The following BTBD2 variants were observed in gnomAD, a reference collection of about 807,000 sequenced individuals.
BTBD2 encodes the protein BTB domain containing 2.
BTBD2 carries 15 observed loss-of-function variants against 44.0 expected under a neutral mutation model. The ratio of observed to expected loss-of-function variants is 0.34; its 90% CI spans 0.23 to 0.53. The LOEUF (loss-of-function observed/expected upper bound fraction) is 0.53. BTBD2 is among the 20% of genes least tolerant of loss of function. BTBD2 has a pLI of 0.95. For missense variants in BTBD2, 657 were observed against 746.4 expected (o/e 0.88, Z 1.39); for synonymous variants, 443 against 335.9 (o/e 1.32, Z -3.49).
At chr19:2,013,783 C>T (rs112647619) in intron 1 of BTBD2, 60 of 599,302 alleles carry the variant, frequency 1.0e-4, no homozygotes, top group Middle Eastern at 8.3e-4. Context: ...TGGGGGTCTC[C>T]GGTGGGGGTC....
intron 1 of BTBD2, among the ~76,000 whole-genome samples, chr19:2,001,534 G>A (rs8110826): frequency 0.14 from 21,388 of 152,204 alleles, 1,672 homozygotes; most frequent in East Asian, 0.3. Flanking sequence ...AGAATTGTGT[G>A]GTGCACAAAG....
chr19:1,990,253 T>G (rs2016155799), intron 4 of BTBD2, 52 bp from the exon 5 acceptor site: 1 of 1,537,746 alleles, frequency 6.5e-7, no homozygotes, highest in Non-Finnish European at 8.8e-7. Context: ...ATGCCCACCC[T>G]GCAGGAGGCA....
intron 1 of BTBD2, among the ~76,000 whole-genome samples, chr19:2,009,351 G>A (rs1348419962): frequency 4.6e-5 from 7 of 151,602 alleles, no homozygotes; most frequent in Non-Finnish European, 8.8e-5. Context: ...GGTGCCCACC[G>A]CCACACCAGG....
At chr19:2,001,929 T>TG (rs35646341) in intron 1 of BTBD2, among the ~76,000 whole-genome samples, 21,110 of 151,870 alleles carry the variant, frequency 0.14, 1,659 homozygotes, top group East Asian at 0.3. Flanking sequence ...TTAGTAGAGA[T>TG]GGGGTTTCAC....
At chr19:1,996,568 A>G (rs1447531840) in intron 2 of BTBD2, among the ~76,000 whole-genome samples, 2 of 146,492 alleles carry the variant, frequency 1.4e-5, no homozygotes, top group Non-Finnish European at 3.0e-5. Context: ...AAAAAGAAGG[A>G]AAGAAAAGAA....
intron 1 of BTBD2, among the ~76,000 whole-genome samples, chr19:2,014,900 C>T (rs964446796): frequency 6.7e-6 from 1 of 150,016 alleles, no homozygotes; most frequent in Non-Finnish European, 1.5e-5. Context: ...TGGAGGGGTG[C>T]AGAGGCCCAG....
chr19:2,015,427 C>T lies in BTBD2; in HGVS notation c.277G>A (p.Ala93Thr), dbSNP rs772933152. The T allele has an allele frequency of 3.3e-6, 5 of 1,510,336 alleles. No homozygotes were observed. The South Asian group carries it at 6.1e-5, about 18-fold the overall frequency. 93.6% of individuals were successfully genotyped at this position (1,510,336 alleles called of 1,614,324 possible). The stretch of plus-strand genomic sequence containing the variant: ...GGCTTGCTGGCCTGCCAGTTGTACG[C>T]GGCCTCGCGCTGCAGCGCCGCCGCC... ...PGAAALQREA[A>T]YNWQASKPTV... Residue 93 changes from alanine to threonine, a missense_variant, in exon 1 of 9, where the codon GCG becomes ACG. By Grantham distance (58) the Ala-to-Thr change is moderately conservative. This residue lies in a region of BTBD2 where 191 missense variants were observed against 188.5 expected (regional missense o/e 1.01). Transcript: ENST00000255608.
chr19:2,011,093 C>A (rs75320628), intron 1 of BTBD2, among the ~76,000 whole-genome samples: 3 of 152,012 alleles, frequency 2.0e-5, no homozygotes, highest in African/African-American at 7.2e-5. Flanking sequence ...CACTGCTCTG[C>A]GGACCTCTCA....
At chr19:2,004,970 C>T (rs946254912) in intron 1 of BTBD2, among the ~76,000 whole-genome samples, 1 of 151,962 alleles carries the variant, frequency 6.6e-6, no homozygotes, top group Non-Finnish European at 1.5e-5. Context: ...CAGGCGCCCA[C>T]CACCACGCCC....
At chr19:1,999,771 G>A (rs2016302430) in intron 1 of BTBD2, among the ~76,000 whole-genome samples, 1 of 151,950 alleles carries the variant, frequency 6.6e-6, no homozygotes, top group Non-Finnish European at 1.5e-5. Context: ...AGACCAGCCT[G>A]GCCAACATGG....
intron 2 of BTBD2, among the ~76,000 whole-genome samples, 171 bp from the exon 3 acceptor site, chr19:1,993,347 G>A (rs1271133395): frequency 2.6e-5 from 4 of 152,284 alleles, no homozygotes; most frequent in African/African-American, 9.6e-5. Context: ...GCCCCTGTCC[G>A]TTGCCCTCTG....
At chr19:1,992,721 G>C (rs982123874) in intron 3 of BTBD2, among the ~76,000 whole-genome samples, 1 of 151,834 alleles carries the variant, frequency 6.6e-6, no homozygotes, top group Non-Finnish European at 1.5e-5. Context: ...ACAGGTGCCC[G>C]CCACCACGCC....
chr19:2,013,347 C>G (rs973645812), intron 1 of BTBD2, among the ~76,000 whole-genome samples: 3 of 150,208 alleles, frequency 2.0e-5, no homozygotes, highest in Non-Finnish European at 4.4e-5. Flanking sequence ...CGCACACTGG[C>G]AAAGACAGAT....
chr19:2,001,028 A>C (rs201550927), intron 1 of BTBD2, among the ~76,000 whole-genome samples: 29,091 of 151,966 alleles, frequency 0.19, 3,088 homozygotes, highest in East Asian at 0.31. Flanking sequence ...TCACGCCTGT[A>C]CTCCCAGCAC....
chr19:1,990,135 A>G lies in BTBD2; in HGVS notation c.857T>C (p.Val286Ala), dbSNP rs768986148. 3.7e-6 allele frequency: 6 copies of G among 1,612,232 alleles called. No homozygotes were observed. Among genetic ancestry groups the G allele is most frequent in the Non-Finnish European group, 4.2e-6 (5 of 1,179,704 alleles). ...GIREVRLFNA[V>A]VRWSEAECQR... The stretch of plus-strand genomic sequence containing the variant: ...ACACTCGGCCTCGGACCAGCGGACA[A>G]CGGCATTGAACAGCCGCACCTCACG... The change falls in exon 5 of 9, where the codon GTT becomes GCT. Residue 286 changes from valine to alanine, a missense_variant. Coordinates refer to ENST00000255608, the MANE Select transcript of BTBD2 (RefSeq NM_017797.4).
rs553182839 is a variant in BTBD2 at position 1,992,953 on chromosome 19, C to T, written c.684+67G>A. 267 of 790,666 alleles carry T rather than the reference C, an allele frequency of 3.4e-4. 2 individuals are homozygous for T. In the African/African-American group the frequency reaches 4.9e-3, roughly 15 times the overall value. 49.0% of individuals were successfully genotyped at this position (790,666 alleles called of 1,614,324 possible). ...CCCGCCTCCGCCTCCAGCCTCGGTC[C>T]GCCCCACCCCGGCCCCGCCTCCAGC... On this transcript the variant is annotated intron_variant, in intron 3 of 8. Transcript: ENST00000255608.
chr19:1,999,845 C>A (rs1397846028), intron 1 of BTBD2, among the ~76,000 whole-genome samples: 1 of 151,724 alleles, frequency 6.6e-6, no homozygotes, highest in Non-Finnish European at 1.5e-5. Context: ...GCCTGTAATC[C>A]CAGCTACTCA....
rs2016202616 is a variant in BTBD2, at chr19:1,993,046, C to G, written c.658G>C (p.Asp220His). Residue 220 changes from aspartate to histidine, a missense_variant, in exon 3 of 9, where the codon GAC (aspartate) becomes CAC (histidine). Coordinates refer to ENST00000255608, the MANE Select transcript of BTBD2 (RefSeq NM_017797.4). ...VEFLKKNLRA[D>H]NAFMLLTQAR... Reference sequence around the variant, plus strand: ...TGCGTGAGCAGCATGAAGGCGTTGTCGGCTCGCAGGTTCTTCTTCAGGAAC... The same window carrying G: ...TGCGTGAGCAGCATGAAGGCGTTGTGGGCTCGCAGGTTCTTCTTCAGGAAC... 4.6e-6 allele frequency: 7 copies of G among 1,538,076 alleles called. No individual in the cohort carries two copies. The highest frequency in any genetic ancestry group is 6.2e-6 in the Non-Finnish European group (7 of 1,138,126).
At chr19:1,994,784 T>A (rs1422881045) in intron 2 of BTBD2, among the ~76,000 whole-genome samples, 2 of 151,960 alleles carry the variant, frequency 1.3e-5, no homozygotes, top group South Asian at 2.1e-4. Context: ...AAAAAAATAT[T>A]TTTTTTCTCT....
Sources: allele counts gnomAD v4.1 joint callset (sites outside exome capture counted in the v4.1 genomes callset), GRCh38; gene constraint gnomAD v4.1.1; regional missense constraint gnomAD v4.1.1; transcripts MANE v1.5; gene names NCBI Gene and HGNC (gene_info 2026-07-23, HGNC 2026-07-21).